Variants in SPATA9 observed in about 807,000 individuals in gnomAD.
The protein encoded by SPATA9 is spermatogenesis associated 9, also known as spermatogenesis-associated protein 9.
Under a neutral mutation model 25.5 loss-of-function variants are expected in SPATA9, and 27 were observed. The observed-to-expected ratio is 1.06, with a 90% CI of 0.78 to 1.46. SPATA9 has a LOEUF of 1.46. Among genes scored for constraint, SPATA9 ranks in the 40% most tolerant of loss-of-function variants. SPATA9 has a pLI of 0.00. For missense variants in SPATA9, 282 were observed against 297.5 expected (o/e 0.95, Z 0.38); for synonymous variants, 102 against 105.7 (o/e 0.97, Z 0.21).
chr5:95,681,380 C>T (rs1256366764), intron 2 of SPATA9, among the ~76,000 whole-genome samples: 2 of 152,164 alleles, frequency 1.3e-5, no homozygotes, highest in Non-Finnish European at 2.9e-5. Context: ...CTGCCCCTAC[C>T]CACTGATCCC....
intron 3 of SPATA9, among the ~76,000 whole-genome samples, chr5:95,674,019 C>T (rs1752675175): frequency 6.6e-6 from 1 of 152,138 alleles, no homozygotes; most frequent in African/African-American, 2.4e-5. Context: ...GGATTACAGG[C>T]ATGAGCCACA....
At chr5:95,662,323 T>C (rs1395217439) in intron 4 of SPATA9, among the ~76,000 whole-genome samples, 2 of 152,204 alleles carry the variant, frequency 1.3e-5, no homozygotes, top group Non-Finnish European at 2.9e-5. Flanking sequence ...GAGAATATTT[T>C]CATGACCTTA....
intron 3 of SPATA9, among the ~76,000 whole-genome samples, chr5:95,664,983 A>G (rs762788947): frequency 1.3e-5 from 2 of 152,216 alleles, no homozygotes; most frequent in Admixed American, 6.5e-5. Context: ...AACTAAAACA[A>G]TGATTCCAGA....
intron 4 of SPATA9, among the ~76,000 whole-genome samples, chr5:95,662,386 G>T (rs1459219348): frequency 2.6e-5 from 4 of 152,102 alleles, no homozygotes; most frequent in African/African-American, 9.7e-5. Flanking sequence ...TAAAGGAAAA[G>T]ATTAATAAAT....
At chr5:95,700,899 TA>T (rs1754167553), upstream of SPATA9, among the ~76,000 whole-genome samples, 2 of 152,240 alleles carry the variant, frequency 1.3e-5, no homozygotes, top group African/African-American at 2.4e-5. Flanking sequence ...TTTTCATCTT[TA>T]TTTCTTAAAA....
rs969309141 is a variant in SPATA9, at chr5:95,660,211, T to G, written c.475-1298A>C. Among the ~76,000 whole-genome samples the G allele has an allele frequency of 4.4e-4, 67 of 152,090 alleles. 2 individuals are homozygous for G. The highest frequency in any genetic ancestry group is 1.2e-4 in the Non-Finnish European group (8 of 68,024). ...GTTTTCTGTTTCATAGATGGTACCT[T>G]CTATCTATGTCCTCATATGGTGGAA... On this transcript the variant is annotated intron_variant, in intron 4 of 4. Coordinates refer to ENST00000274432, the MANE Select transcript of SPATA9 (RefSeq NM_031952.4).
chr5:95,676,824 C>A (rs897171402), intron 2 of SPATA9, among the ~76,000 whole-genome samples: 1 of 152,202 alleles, frequency 6.6e-6, no homozygotes, highest in Non-Finnish European at 1.5e-5. Flanking sequence ...TATTCAACTG[C>A]TTCAGTGGCT....
the SPATA9 span, chr5:95,731,648 C>G: frequency 6.2e-7 from 1 of 1,612,818 alleles, no homozygotes; most frequent in African/African-American, 1.3e-5. Context: ...CGCTGCTTTT[C>G]TCCGAGTCGC....
chr5:95,713,032 G>GTGT, the SPATA9 span, among the ~76,000 whole-genome samples: 1 of 152,062 alleles, frequency 6.6e-6, no homozygotes, highest in African/African-American at 2.4e-5. Flanking sequence ...TTGCAAGTGG[G>GTGT]TGTTGTTTAC....
intron 2 of SPATA9, among the ~76,000 whole-genome samples, chr5:95,679,920 C>T (rs535580706): frequency 4.6e-5 from 7 of 152,296 alleles, no homozygotes; most frequent in Admixed American, 2.6e-4. Flanking sequence ...TTTTTTGAGA[C>T]GGAATCTCGC....
At chr5:95,719,879 T>C in the SPATA9 span, 1 of 152,250 alleles carries the variant, frequency 6.6e-6, no homozygotes, top group African/African-American at 2.4e-5. Context: ...GGTGTTGGTA[T>C]AGTTCTAATA....
chr5:95,705,590 C>A, the SPATA9 span, among the ~76,000 whole-genome samples: 2 of 152,090 alleles, frequency 1.3e-5, no homozygotes, highest in African/African-American at 4.8e-5. Context: ...GTATGAAGTA[C>A]ACTCCTCTAA....
In SPATA9 at chr5:95,658,588, G is replaced by C. The variant is rs529477772; in HGVS notation, c.*35C>G. ...GTCAGATGAAATGTGCCATTAAATAGATAACTCTTAAGTTCTGTTCAGTGA... is the reference window on the plus strand; with the variant it reads ...GTCAGATGAAATGTGCCATTAAATACATAACTCTTAAGTTCTGTTCAGTGA... On this transcript the variant is annotated 3_prime_UTR_variant, in exon 5 of 5. Coordinates refer to ENST00000274432, the MANE Select transcript of SPATA9 (RefSeq NM_031952.4). 14 of 1,567,730 alleles carry C rather than the reference G, an allele frequency of 8.9e-6. No individual in the cohort carries two copies. In the African/African-American group the frequency reaches 1.5e-4, roughly 17 times the overall value.
the SPATA9 span, chr5:95,731,555 T>G: frequency 6.8e-7 from 1 of 1,461,656 alleles, no homozygotes; most frequent in South Asian, 1.4e-5. Context: ...CCCGCCGCGG[T>G]GGAGGCGCGC....
chr5:95,684,299 C>T (rs1055029493), upstream of SPATA9, among the ~76,000 whole-genome samples: 4 of 152,162 alleles, frequency 2.6e-5, no homozygotes, highest in East Asian at 1.9e-4. Context: ...TGGTCATCAG[C>T]GTCCACTGCA....
chr5:95,717,898 A>G, the SPATA9 span: 66 of 152,344 alleles, frequency 4.3e-4, no homozygotes, highest in African/African-American at 1.5e-3. Context: ...TTTGGTTTAT[A>G]GTTATTCATT....
downstream of SPATA9, chr5:95,656,366 ACT>A (rs1290825744): frequency 1.3e-5 from 18 of 1,391,436 alleles, no homozygotes; most frequent in Non-Finnish European, 1.8e-5. Context: ...TTTTAGAATA[ACT>A]CTGCTTCAGT....
upstream of SPATA9, among the ~76,000 whole-genome samples, chr5:95,685,652 A>T (rs1362430166): frequency 6.6e-6 from 1 of 152,230 alleles, no homozygotes; most frequent in Non-Finnish European, 1.5e-5. Context: ...GAGAACTGAT[A>T]TAGATTAAAG....
intron 1 of SPATA9, among the ~76,000 whole-genome samples, chr5:95,698,272 G>A (rs1056393602): frequency 6.6e-6 from 1 of 152,178 alleles, no homozygotes; most frequent in African/African-American, 2.4e-5. Flanking sequence ...TAAGCAGACA[G>A]TGGGGCTGGA....
Sources: allele counts gnomAD v4.1 joint callset (sites outside exome capture counted in the v4.1 genomes callset), GRCh38; gene constraint gnomAD v4.1.1; transcripts MANE v1.5; gene names NCBI Gene and HGNC (gene_info 2026-07-23, HGNC 2026-07-21).